The following PDE1A variants were observed in gnomAD, a reference collection of about 807,000 sequenced individuals.
The protein encoded by PDE1A is phosphodiesterase 1A.
PDE1A carries 35 observed loss-of-function variants against 61.7 expected under a neutral mutation model. That is an observed-to-expected ratio of 0.57 (90% CI 0.43 to 0.75). PDE1A has a LOEUF of 0.75. PDE1A is among the 30% of genes least tolerant of loss of function. PDE1A has a pLI of 0.00. For missense variants in PDE1A, 597 were observed against 630.6 expected (o/e 0.95, Z 0.57); for synonymous variants, 232 against 213.2 (o/e 1.09, Z -0.77).
At chr2:182,268,842 T>G (rs935654719) in intron 1 of PDE1A, among the ~76,000 whole-genome samples, 1 of 152,176 alleles carries the variant, frequency 6.6e-6, no homozygotes, top group Non-Finnish European at 1.5e-5. Context: ...AAGCCACATT[T>G]TATTTGTTTC....
chr2:182,617,407 C>G, the PDE1A span, among the ~76,000 whole-genome samples: 1 of 152,192 alleles, frequency 6.6e-6, no homozygotes, highest in Non-Finnish European at 1.5e-5. Context: ...CTGGATTTCT[C>G]CTGGCCCCTG....
upstream of PDE1A, among the ~76,000 whole-genome samples, chr2:182,523,501 G>T (rs1173965518): frequency 6.6e-6 from 1 of 152,164 alleles, no homozygotes; most frequent in Non-Finnish European, 1.5e-5. Context: ...TCTGCAAGCT[G>T]CTATAGAAAA....
chr2:182,257,958 G>C (rs996667956), intron 2 of PDE1A, among the ~76,000 whole-genome samples: 8 of 152,174 alleles, frequency 5.3e-5, no homozygotes, highest in East Asian at 3.9e-4. Flanking sequence ...ACGAGGTCAG[G>C]AGATCGAGAC....
chr2:182,258,131 G>A (rs1205709595), intron 2 of PDE1A, among the ~76,000 whole-genome samples: 1 of 151,396 alleles, frequency 6.6e-6, no homozygotes, highest in Non-Finnish European at 1.5e-5. Context: ...TTGTGCCACT[G>A]CACTCCAGCC....
intron 1 of PDE1A, among the ~76,000 whole-genome samples, chr2:182,334,475 GC>G: frequency 6.6e-6 from 1 of 152,240 alleles, no homozygotes; most frequent in South Asian, 2.1e-4. Flanking sequence ...TTCAACATAT[GC>G]AAATCAATAA....
the PDE1A span, among the ~76,000 whole-genome samples, chr2:182,528,791 G>A: frequency 6.6e-6 from 1 of 152,376 alleles, no homozygotes; most frequent in East Asian, 1.9e-4. Context: ...AAGGGGCCAA[G>A]GTACAGCTCA....
the PDE1A span, among the ~76,000 whole-genome samples, chr2:182,578,055 G>C: frequency 2.0e-5 from 3 of 152,108 alleles, no homozygotes; most frequent in Non-Finnish European, 2.9e-5. Context: ...ATTAAAAAGT[G>C]TCTTTGCACA....
the PDE1A span, among the ~76,000 whole-genome samples, chr2:182,704,387 G>A: frequency 6.6e-6 from 1 of 152,130 alleles, no homozygotes; most frequent in African/African-American, 2.4e-5. Flanking sequence ...CAGTGAATCT[G>A]TGGCTAGGGG....
the PDE1A span, among the ~76,000 whole-genome samples, chr2:182,666,410 G>C: frequency 6.6e-6 from 1 of 152,008 alleles, no homozygotes; most frequent in Non-Finnish European, 1.5e-5. Flanking sequence ...CTGAGATCAG[G>C]AGTTCGAGAC....
chr2:182,666,445 C>T, the PDE1A span, among the ~76,000 whole-genome samples: 2 of 151,706 alleles, frequency 1.3e-5, no homozygotes, highest in Non-Finnish European at 2.9e-5. Context: ...TGGTGAAACC[C>T]CATCAATACA....
intron 13 of PDE1A, among the ~76,000 whole-genome samples, chr2:182,181,706 G>C (rs1250257386): frequency 6.6e-6 from 1 of 152,206 alleles, no homozygotes; most frequent in East Asian, 1.9e-4. Context: ...CTGTCCCAGG[G>C]AGTTGAGAGT....
At chr2:182,422,670 C>T (rs926897155) in intron 1 of PDE1A, among the ~76,000 whole-genome samples, 5 of 152,056 alleles carry the variant, frequency 3.3e-5, no homozygotes, top group African/African-American at 1.2e-4. Flanking sequence ...GAATATGTTA[C>T]ATCATTTAAT....
intron 1 of PDE1A, among the ~76,000 whole-genome samples, chr2:182,304,370 C>G (rs1002167322): frequency 6.6e-6 from 1 of 152,164 alleles, no homozygotes; most frequent in Non-Finnish European, 1.5e-5. Flanking sequence ...AAACTTTCTC[C>G]GTATCAGTGA....
the PDE1A span, among the ~76,000 whole-genome samples, chr2:182,711,208 C>G: frequency 1.3e-5 from 2 of 152,102 alleles, no homozygotes; most frequent in Non-Finnish European, 2.9e-5. Flanking sequence ...GTAAACAGAG[C>G]ATCTGCTCAG....
intron 2 of PDE1A, among the ~76,000 whole-genome samples, chr2:182,253,503 C>A: frequency 6.6e-6 from 1 of 152,166 alleles, no homozygotes; most frequent in East Asian, 1.9e-4. Flanking sequence ...AAGCATGACA[C>A]CCTTCCTATG....
At chr2:182,644,556 G>A in the PDE1A span, among the ~76,000 whole-genome samples, 6 of 152,040 alleles carry the variant, frequency 3.9e-5, no homozygotes, top group Non-Finnish European at 8.8e-5. Flanking sequence ...TACAATCCAT[G>A]GTGTGGAATG....
At chr2:182,160,699 G>A (rs1454795570) in intron 13 of PDE1A, among the ~76,000 whole-genome samples, 1 of 152,078 alleles carries the variant, frequency 6.6e-6, no homozygotes, top group African/African-American at 2.4e-5. Flanking sequence ...GCTACAAACT[G>A]CTTCTTCATC....
intron 2 of PDE1A, among the ~76,000 whole-genome samples, chr2:182,521,432 T>C (rs1690560988): frequency 6.6e-6 from 1 of 152,112 alleles, no homozygotes; most frequent in African/African-American, 2.4e-5. Context: ...GTAAAATTCA[T>C]ATTCATATTT....
chr2:182,167,938 C>G, exon 14 of PDE1A: 1 of 1,137,946 alleles, frequency 8.8e-7, no homozygotes, highest in South Asian at 4.4e-5. Context: ...TAGCAATTAG[C>G]TGCTCAAAGA....
Sources: allele counts gnomAD v4.1 joint callset (sites outside exome capture counted in the v4.1 genomes callset), GRCh38; gene constraint gnomAD v4.1.1; transcripts MANE v1.5; gene names NCBI Gene and HGNC (gene_info 2026-07-23, HGNC 2026-07-21).